GNAO1: variants seen among roughly 807,000 people sequenced by gnomAD.
GNAO1 encodes the protein guanine nucleotide-binding protein G(o) subunit alpha.
For missense variants in GNAO1, 166 were observed against 478.7 expected (o/e 0.35, Z 6.10); for synonymous variants, 164 against 180.7 (o/e 0.91, Z 0.74).
chr16:56,270,404 G>A (rs1486403096), intron 2 of GNAO1: 1 of 151,742 alleles, frequency 6.6e-6, no homozygotes, highest in Non-Finnish European at 1.5e-5. Flanking sequence ...AAGAAATCTA[G>A]TAGGTCCCCA....
At chr16:56,331,790 T>G in intron 4 of GNAO1, among the ~76,000 whole-genome samples, 1 of 152,152 alleles carries the variant, frequency 6.6e-6, no homozygotes, top group East Asian at 1.9e-4. Flanking sequence ...CAAATTCATA[T>G]CGCCAGCCCA....
intron 4 of GNAO1, among the ~76,000 whole-genome samples, chr16:56,332,024 C>G (rs1191412771): frequency 6.6e-6 from 1 of 152,190 alleles, no homozygotes; most frequent in Non-Finnish European, 1.5e-5. Context: ...TGCAGCTCCC[C>G]TGGCAGGTAC....
rs139753342 is a variant in GNAO1, at chr16:56,225,197, G to A, written c.161+32581G>A. Among the ~76,000 whole-genome samples the A allele has an allele frequency of 5.2e-3, 799 of 152,326 alleles. 5 individuals are homozygous for A. Among genetic ancestry groups the A allele is most frequent in the African/African-American group, 0.019 (780 of 41,560 alleles). Reference sequence around the variant, plus strand: ...GCTGTCTCATTGGAATCAGGGCTTCGTTGTCTGTTTGTTTGAGGAGGATTG... The same window carrying A: ...GCTGTCTCATTGGAATCAGGGCTTCATTGTCTGTTTGTTTGAGGAGGATTG... On this transcript the variant is annotated intron_variant, in intron 2 of 8. Transcript: ENST00000262493.
chr16:56,289,414 G>A (rs760900404), intron 3 of GNAO1, among the ~76,000 whole-genome samples: 1 of 152,200 alleles, frequency 6.6e-6, no homozygotes, highest in Non-Finnish European at 1.5e-5. Flanking sequence ...GTGGGGATGG[G>A]GACACCGGTG....
chr16:56,219,617 G>A (rs1287173815), intron 2 of GNAO1, among the ~76,000 whole-genome samples: 1 of 152,128 alleles, frequency 6.6e-6, no homozygotes, highest in Non-Finnish European at 1.5e-5. Flanking sequence ...GCACAGAGTG[G>A]AACTTTAGAT....
At chr16:56,336,705 G>A (rs373395629) in intron 5 of GNAO1, 26 bp from the exon 6 acceptor site, 17 of 1,594,138 alleles carry the variant, frequency 1.1e-5, no homozygotes, top group Admixed American at 3.5e-5. Flanking sequence ...TGGACCCTGC[G>A]CCTACCAGCT....
In GNAO1 at chr16:56,354,975, G is replaced by C; in HGVS notation, c.987G>C (p.Thr329=). Residue 329 remains threonine, a synonymous_variant, in exon 8 of 9, where the codon ACG becomes ACC. Transcript: ENST00000262493. This position sits in a 1 kb window ranked among gnomAD's most constrained non-coding sequence, Gnocchi z 4.3. ...GTCACATGACTTGTGCCACAGACAC[G>C]AATAACATCCAGGTGGTGTTCGACG... is the stretch of plus-strand genomic sequence containing the variant. ...IYCHMTCATD[T]NNIQVVFDAV... is the part of the protein sequence containing the mutation. 6.2e-7 allele frequency: 1 copy of C among 1,613,334 alleles called. No homozygotes were observed.
chr16:56,293,944 C>A (rs1189387322), intron 3 of GNAO1, among the ~76,000 whole-genome samples: 1 of 152,162 alleles, frequency 6.6e-6, no homozygotes, highest in Non-Finnish European at 1.5e-5. Context: ...CAGTACCTGG[C>A]ACATATTTCA....
chr16:56,217,191 A>G (rs2036443898), intron 2 of GNAO1, among the ~76,000 whole-genome samples: 1 of 152,232 alleles, frequency 6.6e-6, no homozygotes, highest in Admixed American at 6.5e-5. Flanking sequence ...AGTTTTCCTA[A>G]TAAATAAAGG....
chr16:56,304,638 G>GT (rs1332918114), intron 3 of GNAO1, among the ~76,000 whole-genome samples: 3 of 152,150 alleles, frequency 2.0e-5, no homozygotes, highest in Non-Finnish European at 2.9e-5. Flanking sequence ...TCTAGTTCAT[G>GT]TTTTTTCTTG....
chr16:56,343,664 C>A, intron 6 of GNAO1: 1 of 919,166 alleles, frequency 1.1e-6, no homozygotes, highest in Non-Finnish European at 1.6e-6. Flanking sequence ...CTCTGAGAGG[C>A]CCAAGGCCGG....
chr16:56,246,229 C>T (rs1370196590), intron 2 of GNAO1, among the ~76,000 whole-genome samples: 1 of 152,190 alleles, frequency 6.6e-6, no homozygotes, highest in Non-Finnish European at 1.5e-5. Flanking sequence ...ACCCAGACTG[C>T]TTAGGGCAGA....
chr16:56,261,080 C>T (rs146632014), intron 2 of GNAO1, among the ~76,000 whole-genome samples: 3 of 152,294 alleles, frequency 2.0e-5, no homozygotes, highest in Non-Finnish European at 2.9e-5. Flanking sequence ...CAAAAGTTGG[C>T]GTGGCAACTG....
At chr16:56,247,482 GTTTT>G (rs61650674) in intron 2 of GNAO1, among the ~76,000 whole-genome samples, 5,464 of 119,648 alleles carry the variant, frequency 0.046, 147 homozygotes, top group South Asian at 0.11. Flanking sequence ...TTAGGGTGAG[GTTTT>G]TTTTTTTTTT....
intron 3 of GNAO1, among the ~76,000 whole-genome samples, chr16:56,320,985 C>G (rs2037565959): frequency 1.3e-5 from 2 of 152,172 alleles, no homozygotes; most frequent in African/African-American, 4.8e-5. Flanking sequence ...CAGCTAGTGC[C>G]ATACCAGTCC....
At chr16:56,302,544 A>G (rs2037355351) in intron 3 of GNAO1, 1 of 152,152 alleles carries the variant, frequency 6.6e-6, no homozygotes. Flanking sequence ...CTGGCTATAC[A>G]CAGCAGCCAG....
At position 56,311,312 on chromosome 16, in the gene GNAO1, G is replaced by T. The variant is rs1229941121; in HGVS notation, c.304-17319G>T. 6.6e-6 allele frequency among the ~76,000 whole-genome samples: 1 copy of T among 151,990 alleles called. No individual in the cohort carries two copies. The highest frequency in any genetic ancestry group is 2.4e-5 in the African/African-American group (1 of 41,360). On this transcript the variant is annotated intron_variant, in intron 3 of 8. Transcript: ENST00000262493. The surrounding 1 kb of genome is among the most constrained non-coding windows in gnomAD (Gnocchi z 5.2). Reference sequence around the variant, plus strand: ...GGCCCTGTAGTTTCAGAGAGTGAGTGCCAACCTGAGCTGGTTCCCCCTGCC... The same window carrying T: ...GGCCCTGTAGTTTCAGAGAGTGAGTTCCAACCTGAGCTGGTTCCCCCTGCC...
chr16:56,311,683 CT>C lies in GNAO1; in HGVS notation c.304-16947del, dbSNP rs2037460592. On this transcript the variant is annotated intron_variant, in intron 3 of 8. Transcript: ENST00000262493. This position sits in a 1 kb window ranked among gnomAD's most constrained non-coding sequence, Gnocchi z 5.2. ...AGTCCCCGGAGGCTTGGCTCAGCCCCTGACCCCCTGTACCCCAGGGGCCAGG... is the reference window on the plus strand; with the variant it reads ...AGTCCCCGGAGGCTTGGCTCAGCCCCGACCCCCTGTACCCCAGGGGCCAGG... 6.6e-6 allele frequency among the ~76,000 whole-genome samples: 1 copy of C among 152,110 alleles called. No homozygotes were observed. Among genetic ancestry groups the C allele is most frequent in the South Asian group, 2.1e-4 (1 of 4,832 alleles).
In GNAO1 at chr16:56,295,940, A is replaced by G. The variant is rs563093300; in HGVS notation, c.303+19868A>G. 5.3e-5 allele frequency among the ~76,000 whole-genome samples: 8 copies of G among 152,362 alleles called. No individual in the cohort carries two copies. In the South Asian group the frequency reaches 6.2e-4, roughly 12 times the overall value. On this transcript the variant is annotated intron_variant, in intron 3 of 8. Coordinates refer to ENST00000262493, the MANE Select transcript of GNAO1 (RefSeq NM_020988.3). ...TAAATAACAGGCTCTATTCTTAGCC[A>G]AACAGCAGTTAATTCTCTTCCCGTA...
Sources: gnomAD v4.1 joint callset for allele counts (sites outside exome capture counted in the v4.1 genomes callset) on GRCh38, gnomAD v4.1.1 for gene constraint, Gnocchi (gnomAD v3.1) non-coding constraint, MANE v1.5 for transcripts, NCBI Gene and HGNC (gene_info 2026-07-23, HGNC 2026-07-21) for gene names.